RHBDL2: variants seen among roughly 807,000 people sequenced by gnomAD.
RHBDL2 encodes the protein rhomboid like 2.
A neutral mutation model predicts 31.7 loss-of-function variants in RHBDL2; 26 were observed. The observed-to-expected ratio is 0.82, with a 90% CI of 0.60 to 1.14. RHBDL2 has a LOEUF of 1.14. Among genes scored for constraint, RHBDL2 ranks in the 50% most tolerant of loss-of-function variants. The pLI is 0.00. For missense variants in RHBDL2, 336 were observed against 364.4 expected (o/e 0.92, Z 0.63); for synonymous variants, 123 against 127.2 (o/e 0.97, Z 0.22).
chr1:38,915,594 C>G lies in RHBDL2; in HGVS notation c.363G>C (p.Trp121Cys), dbSNP rs199658917. The part of the protein sequence containing the change: ...IYSPEKREEA[W>C]RFISYMLVHA... ...GTACCAGCATGTATGAGATAAACCT[C>G]CAGGCTTCCTCCCTCTTCTCAGGAC... Residue 121 changes from tryptophan (W) to cysteine (C), a missense_variant, in exon 3 of 8, where the codon TGG (tryptophan) becomes TGC (cysteine). By Grantham distance (215) the Trp-to-Cys change is radical. Transcript: ENST00000372990. The G allele has an allele frequency of 9.3e-6, 15 of 1,614,044 alleles. No homozygotes were observed. The highest frequency in any genetic ancestry group is 1.7e-5 in the Admixed American group (1 of 59,994).
At chr1:38,924,844 C>T (rs1643357181) in intron 1 of RHBDL2, among the ~76,000 whole-genome samples, 1 of 141,808 alleles carries the variant, frequency 7.1e-6, no homozygotes, top group Admixed American at 7.4e-5. Flanking sequence ...TGCAATGGTG[C>T]GATCTCGGCT....
At chr1:38,891,197 G>T (rs1348201243) in intron 6 of RHBDL2, among the ~76,000 whole-genome samples, 3 of 138,194 alleles carry the variant, frequency 2.2e-5, no homozygotes, top group African/African-American at 5.3e-5. Flanking sequence ...GGAGGCGGAG[G>T]TTGCAGTAAG....
intron 1 of RHBDL2, among the ~76,000 whole-genome samples, chr1:38,934,572 C>T (rs1159606701): frequency 6.9e-6 from 1 of 143,948 alleles, no homozygotes; most frequent in Non-Finnish European, 1.5e-5. Flanking sequence ...AGGAGAATCG[C>T]TTGAACCCGG....
chr1:38,936,722 A>C (rs1483189206), intron 1 of RHBDL2, among the ~76,000 whole-genome samples: 2 of 149,118 alleles, frequency 1.3e-5, no homozygotes, highest in Admixed American at 1.3e-4. Context: ...CTGGTCTGGA[A>C]CTCCTGACCT....
intron 1 of RHBDL2, among the ~76,000 whole-genome samples, chr1:38,939,258 TGA>T (rs1011725859): frequency 2.0e-5 from 3 of 152,152 alleles, no homozygotes; most frequent in Admixed American, 6.6e-5. Flanking sequence ...TTCTTTTCCT[TGA>T]GAGACAGTCT....
chr1:38,927,857 T>G (rs1321891322), intron 1 of RHBDL2, among the ~76,000 whole-genome samples: 1 of 152,168 alleles, frequency 6.6e-6, no homozygotes, highest in Non-Finnish European at 1.5e-5. Flanking sequence ...TATTCCCATT[T>G]TAAGGATAAA....
At position 38,886,351 on chromosome 1, in the gene RHBDL2, A is replaced by T. The variant is rs898216105; in HGVS notation, c.*153T>A. The T allele has an allele frequency of 1.3e-5, 6 of 449,682 alleles. No individual in the cohort carries two copies. The highest frequency in any genetic ancestry group is 2.3e-5 in the Non-Finnish European group (6 of 266,570). 27.9% of individuals were successfully genotyped at this position (449,682 alleles called of 1,614,324 possible). On this transcript the variant is annotated 3_prime_UTR_variant, in exon 8 of 8. Transcript: ENST00000372990. Reference sequence around the variant, plus strand: ...TAAATCCTAAGGTCCTTTTATAGGCAATCTTTGCAACTGATGAGTTTAATG... The same window carrying T: ...TAAATCCTAAGGTCCTTTTATAGGCTATCTTTGCAACTGATGAGTTTAATG...
chr1:38,929,385 T>C (rs1390563391), intron 1 of RHBDL2: 2 of 1,288,968 alleles, frequency 1.6e-6, no homozygotes, highest in East Asian at 5.5e-5. Context: ...GAGGACTAAA[T>C]CAGGCTCACC....
At chr1:38,935,309 T>A (rs1643486941) in intron 1 of RHBDL2, among the ~76,000 whole-genome samples, 1 of 152,236 alleles carries the variant, frequency 6.6e-6, no homozygotes, top group Non-Finnish European at 1.5e-5. Flanking sequence ...CTGGCTCATG[T>A]CTCAATTCTA....
chr1:38,930,841 AT>A (rs992531215), intron 1 of RHBDL2, among the ~76,000 whole-genome samples: 11 of 151,706 alleles, frequency 7.3e-5, no homozygotes, highest in Admixed American at 3.3e-4. Flanking sequence ...TTCGTGTAGA[AT>A]TTTTTTTTCA....
chr1:38,927,301 C>T (rs191955865), intron 1 of RHBDL2, among the ~76,000 whole-genome samples: 2 of 152,242 alleles, frequency 1.3e-5, no homozygotes, highest in Non-Finnish European at 2.9e-5. Flanking sequence ...GTGGCGGGCG[C>T]CTGTAGTCCC....
intron 7 of RHBDL2, 149 bp downstream of exon 7, chr1:38,887,814 C>G: frequency 1.7e-6 from 1 of 589,160 alleles, no homozygotes; most frequent in Non-Finnish European, 3.1e-6. Context: ...GTGGGAAGGA[C>G]AATTCAAAAG....
intron 4 of RHBDL2, among the ~76,000 whole-genome samples, chr1:38,900,769 C>A (rs1184472559): frequency 1.3e-5 from 2 of 151,898 alleles, no homozygotes; most frequent in East Asian, 3.9e-4. Flanking sequence ...AAGCATTGGC[C>A]GGGCAAAGTG....
intron 4 of RHBDL2, among the ~76,000 whole-genome samples, chr1:38,902,059 A>T (rs1426428040): frequency 6.6e-6 from 1 of 151,704 alleles, no homozygotes; most frequent in Non-Finnish European, 1.5e-5. Flanking sequence ...GATCTCACAC[A>T]TTATTTTCAA....
intron 6 of RHBDL2, among the ~76,000 whole-genome samples, chr1:38,892,526 C>T (rs1177018312): frequency 2.0e-5 from 3 of 152,132 alleles, no homozygotes; most frequent in Non-Finnish European, 4.4e-5. Context: ...TGTAAAACTC[C>T]TTCGTTTACT....
intron 2 of RHBDL2, 87 bp from the exon 3 acceptor site, chr1:38,915,797 T>A: frequency 3.1e-6 from 4 of 1,295,530 alleles, no homozygotes; most frequent in Non-Finnish European, 4.4e-6. Flanking sequence ...CTGTTTCAGA[T>A]GATTCAGCTC....
intron 1 of RHBDL2, among the ~76,000 whole-genome samples, chr1:38,929,892 C>T (rs1204637519): frequency 6.6e-6 from 1 of 152,224 alleles, no homozygotes; most frequent in Non-Finnish European, 1.5e-5. Context: ...TTCAATATTA[C>T]AGGTTTGTGG....
chr1:38,936,366 T>C (rs1442348101), intron 1 of RHBDL2, among the ~76,000 whole-genome samples: 1 of 152,112 alleles, frequency 6.6e-6, no homozygotes, highest in East Asian at 1.9e-4. Flanking sequence ...TGGAATGCAG[T>C]GGCATGACCT....
intron 4 of RHBDL2, 44 bp from the exon 5 acceptor site, chr1:38,896,113 C>G (rs763919446): frequency 7.2e-7 from 1 of 1,387,398 alleles, no homozygotes; most frequent in East Asian, 2.3e-5. Context: ...CTATACGGAT[C>G]AGGAAAGATA....
Sources: allele counts gnomAD v4.1 joint callset (sites outside exome capture counted in the v4.1 genomes callset), GRCh38; gene constraint gnomAD v4.1.1; transcripts MANE v1.5; gene names NCBI Gene and HGNC (gene_info 2026-07-23, HGNC 2026-07-21).